The following MTUS2 variants were observed in gnomAD, a reference collection of about 807,000 sequenced individuals.
The protein encoded by MTUS2 is microtubule-associated tumor suppressor candidate 2.
In MTUS2, 40 loss-of-function variants were observed where a neutral mutation model predicts 114.1. That is an observed-to-expected ratio of 0.35 (90% CI 0.27 to 0.46). The LOEUF is 0.46. MTUS2 is among the 20% of genes least tolerant of loss of function. The pLI is 1.00. For synonymous variants in MTUS2, 688 were observed against 672.0 expected, an observed-to-expected ratio of 1.02 and a Z score of -0.37; for missense variants, 1,679 against 1,705.4, an observed-to-expected ratio of 0.98 and a Z score of 0.27.
intron 2 of MTUS2, among the ~76,000 whole-genome samples, chr13:28,953,206 TTCTA>T (rs1272019756): frequency 6.6e-6 from 1 of 152,028 alleles, no homozygotes; most frequent in Admixed American, 6.6e-5. Context: ...TGAGTTGCTT[TTCTA>T]TCAACTAAGA....
intron 2 of MTUS2, among the ~76,000 whole-genome samples, chr13:28,967,125 G>A (rs987219244): frequency 1.3e-5 from 2 of 152,188 alleles, no homozygotes; most frequent in African/African-American, 2.4e-5. Context: ...GTTCAAATAA[G>A]TTCTTGCCAC....
intron 5 of MTUS2, among the ~76,000 whole-genome samples, chr13:29,254,962 G>A (rs752160837): frequency 2.6e-5 from 4 of 152,132 alleles, no homozygotes; most frequent in African/African-American, 7.2e-5. Context: ...CCACGCCATC[G>A]TTTTTTAAAA....
chr13:28,932,323 G>A (rs73161874), intron 2 of MTUS2, among the ~76,000 whole-genome samples: 12,749 of 152,246 alleles, frequency 0.084, 598 homozygotes, highest in South Asian at 0.13. Context: ...ATTAGGTATT[G>A]TAAGTAATGC....
intron 2 of MTUS2, among the ~76,000 whole-genome samples, chr13:28,946,160 A>G (rs1398717686): frequency 2.0e-5 from 3 of 152,222 alleles, no homozygotes; most frequent in African/African-American, 7.2e-5. Context: ...TGTTAATTGG[A>G]AGACTCAGAA....
At chr13:29,308,358 G>T (rs538524520) in intron 6 of MTUS2, among the ~76,000 whole-genome samples, 1 of 152,250 alleles carries the variant, frequency 6.6e-6, no homozygotes, top group African/African-American at 2.4e-5. Flanking sequence ...GCCATATGCA[G>T]AAAAACGAAA....
intron 6 of MTUS2, among the ~76,000 whole-genome samples, chr13:29,296,616 T>A (rs1367694332): frequency 6.6e-6 from 1 of 152,174 alleles, no homozygotes; most frequent in Non-Finnish European, 1.5e-5. Context: ...TGTTTGTTAC[T>A]TTTTGTCTTT....
At chr13:29,406,497 C>G (rs549019614) in intron 8 of MTUS2, among the ~76,000 whole-genome samples, 9 of 152,270 alleles carry the variant, frequency 5.9e-5, no homozygotes, top group African/African-American at 2.2e-4. Flanking sequence ...TCCCTCACCC[C>G]CACTGTACCC....
At chr13:29,023,873 A>T (rs985069549) in intron 2 of MTUS2, among the ~76,000 whole-genome samples, 3 of 152,222 alleles carry the variant, frequency 2.0e-5, no homozygotes, top group African/African-American at 7.2e-5. Flanking sequence ...GGAGTCCGTA[A>T]TGTCAGTTTC....
intron 4 of MTUS2, among the ~76,000 whole-genome samples, chr13:29,055,369 T>G (rs1449048580): frequency 6.6e-6 from 1 of 152,106 alleles, no homozygotes; most frequent in Non-Finnish European, 1.5e-5. Context: ...TGCCTTTAAT[T>G]TTAATTTTCT....
chr13:29,175,245 G>C (rs140689805), intron 5 of MTUS2, among the ~76,000 whole-genome samples: 1 of 152,092 alleles, frequency 6.6e-6, no homozygotes, highest in South Asian at 2.1e-4. Context: ...AAAGATAAAA[G>C]AATATGCCTC....
At chr13:28,983,051 A>G (rs1282820031) in intron 2 of MTUS2, among the ~76,000 whole-genome samples, 2 of 152,226 alleles carry the variant, frequency 1.3e-5, no homozygotes, top group East Asian at 3.8e-4. Context: ...ATATCTTACC[A>G]TAAAACCATA....
chr13:29,210,096 C>A (rs1228404343), intron 5 of MTUS2, among the ~76,000 whole-genome samples: 2 of 152,116 alleles, frequency 1.3e-5, no homozygotes, highest in Non-Finnish European at 2.9e-5. Context: ...TAATCCCAAA[C>A]TTCCTGGAGG....
Position 29,158,432 on chromosome 13 carries a change from C to G in MTUS2, c.2644+57462C>G, listed in dbSNP as rs1018349147. 9.5e-5 allele frequency among the ~76,000 whole-genome samples: 14 copies of G among 147,188 alleles called. 1 individual carries two copies. The highest frequency in any genetic ancestry group is 3.6e-4 in the African/African-American group (14 of 39,350). On this transcript the variant is annotated intron_variant, in intron 5 of 15. Coordinates refer to ENST00000612955, the MANE Select transcript of MTUS2 (RefSeq NM_001033602.4). Reference sequence around the variant, plus strand: ...GTCAAAGCCAGGGCTCAGCCCAGGCCAATCAGGGACACTTGAGTTCACTCT... The same window carrying G: ...GTCAAAGCCAGGGCTCAGCCCAGGCGAATCAGGGACACTTGAGTTCACTCT...
intron 5 of MTUS2, among the ~76,000 whole-genome samples, chr13:29,122,374 T>TA (rs1186252089): frequency 2.6e-5 from 4 of 152,128 alleles, no homozygotes; most frequent in Non-Finnish European, 5.9e-5. Context: ...TCAGGAAACT[T>TA]ACAATTATAG....
chr13:29,264,733 G>A lies in MTUS2; in HGVS notation c.2645-16971G>A, dbSNP rs563903133. 1.4e-4 allele frequency among the ~76,000 whole-genome samples: 22 copies of A among 152,380 alleles called. No homozygotes were observed. In the South Asian group the frequency reaches 4.3e-3, roughly 30 times the overall value. On this transcript the variant is annotated intron_variant, in intron 5 of 15. Coordinates refer to ENST00000612955, the MANE Select transcript of MTUS2 (RefSeq NM_001033602.4). ...ACCTGGGACCCTTTGAGCCAAGGTT[G>A]GAGCCACAGTGATTGGGATGCAGGG...
chr13:29,185,234 A>G (rs916504783), intron 5 of MTUS2, among the ~76,000 whole-genome samples: 7 of 152,080 alleles, frequency 4.6e-5, no homozygotes, highest in Admixed American at 2.6e-4. Flanking sequence ...ATCCAGTTGA[A>G]AAAACGCAAA....
At chr13:28,945,150 G>C (rs913340400) in intron 2 of MTUS2, among the ~76,000 whole-genome samples, 1 of 148,428 alleles carries the variant, frequency 6.7e-6, no homozygotes, top group East Asian at 2.0e-4. Flanking sequence ...GACATGATTC[G>C]TTGTTTTTTA....
At chr13:29,246,429 C>A (rs932176161) in intron 5 of MTUS2, among the ~76,000 whole-genome samples, 1 of 152,196 alleles carries the variant, frequency 6.6e-6, no homozygotes, top group Non-Finnish European at 1.5e-5. Flanking sequence ...CTGCTCAACA[C>A]AGAACTCAGA....
At chr13:28,899,566 C>T (rs540253540) in intron 2 of MTUS2, among the ~76,000 whole-genome samples, 34 of 152,018 alleles carry the variant, frequency 2.2e-4, no homozygotes, top group East Asian at 1.2e-3. Context: ...CCCACCACCA[C>T]GCCTGGCTAA....
Sources: allele counts gnomAD v4.1 joint callset (sites outside exome capture counted in the v4.1 genomes callset), GRCh38; gene constraint gnomAD v4.1.1; transcripts MANE v1.5; gene names NCBI Gene and HGNC (gene_info 2026-07-23, HGNC 2026-07-21).